Variants in ZNF333 observed in about 807,000 individuals in gnomAD.
ZNF333 encodes zinc finger protein 333.
A neutral mutation model predicts 76.1 loss-of-function variants in ZNF333; 61 were observed. The ratio of observed to expected loss-of-function variants is 0.80; its 90% CI spans 0.65 to 0.99. ZNF333 has a LOEUF of 0.99. ZNF333 is among the 50% of genes least tolerant of loss of function. The pLI is 0.00. For missense variants in ZNF333, 717 were observed against 822.4 expected (o/e 0.87, Z 1.57); for synonymous variants, 284 against 305.0 (o/e 0.93, Z 0.72).
intron 7 of ZNF333, chr19:14,707,017 GC>G: frequency 2.2e-6 from 1 of 447,316 alleles, no homozygotes. Flanking sequence ...CTCTCTTTGG[GC>G]AACATGAAAT....
chr19:14,715,866 T>C (rs948136276), intron 8 of ZNF333, among the ~76,000 whole-genome samples: 8 of 152,222 alleles, frequency 5.3e-5, no homozygotes, highest in African/African-American at 1.9e-4. Flanking sequence ...ATAAGTCCTG[T>C]CCAGAGGTCG....
chr19:14,705,137 T>A lies in ZNF333; in HGVS notation c.390T>A (p.Ala130=). 2.5e-6 allele frequency: 4 copies of A among 1,613,612 alleles called. No homozygotes were observed. The highest frequency in any genetic ancestry group is 3.4e-6 in the Non-Finnish European group (4 of 1,179,902). The part of the protein sequence containing the change: ...ETPLTREDRP[A]LQEPPWSLGC... ...CATTGACTCGAGAGGACCGGCCAGC[T>A]CTCCAGGAGCCGCCTTGGTCTCTGG... The change falls in exon 6 of 12, where the codon GCT becomes GCA. Residue 130 remains alanine, a synonymous_variant. Coordinates refer to ENST00000292530, the MANE Select transcript of ZNF333 (RefSeq NM_032433.4).
chr19:14,723,948 C>T (rs1268423933), downstream of ZNF333, among the ~76,000 whole-genome samples: 3 of 152,180 alleles, frequency 2.0e-5, no homozygotes, highest in South Asian at 4.1e-4. Context: ...AGGATGCTGA[C>T]ATTCAAGGTG....
intron 11 of ZNF333, among the ~76,000 whole-genome samples, chr19:14,728,826 T>A (rs1255448682): frequency 6.6e-6 from 1 of 152,196 alleles, no homozygotes; most frequent in Admixed American, 6.5e-5. Context: ...CCCACGTCAA[T>A]CAAGATCCAA....
At chr19:14,726,885 G>A (rs1464293450), downstream of ZNF333, among the ~76,000 whole-genome samples, 1 of 152,056 alleles carries the variant, frequency 6.6e-6, no homozygotes, top group East Asian at 1.9e-4. Context: ...TTCCTTCTGA[G>A]CCCTCCAAAC....
At chr19:14,708,236 G>T (rs761994291) in intron 7 of ZNF333, 4 of 389,814 alleles carry the variant, frequency 1.0e-5, no homozygotes, top group Non-Finnish European at 1.8e-5. Flanking sequence ...TCGAACTCTT[G>T]ACTTCAGGTG....
chr19:14,706,859 C>A, intron 7 of ZNF333, 86 bp downstream of exon 7: 1 of 1,176,166 alleles, frequency 8.5e-7, no homozygotes, highest in South Asian at 1.4e-5. Flanking sequence ...ATCCTGCCTG[C>A]ATTTCCTCTG....
chr19:14,729,677 GGAA>G, intron 11 of ZNF333, among the ~76,000 whole-genome samples: 1 of 152,198 alleles, frequency 6.6e-6, no homozygotes, highest in Non-Finnish European at 1.5e-5. Flanking sequence ...TTAGACAGGA[GGAA>G]GAAGTTCAGG....
chr19:14,710,222 G>A (rs1270679591), intron 7 of ZNF333, among the ~76,000 whole-genome samples: 2 of 152,226 alleles, frequency 1.3e-5, no homozygotes, highest in African/African-American at 4.8e-5. Context: ...GTTTAGGTGA[G>A]TGGTGCAATG....
At chr19:14,705,829 G>A (rs1205164256) in intron 6 of ZNF333, among the ~76,000 whole-genome samples, 1 of 152,148 alleles carries the variant, frequency 6.6e-6, no homozygotes, top group Non-Finnish European at 1.5e-5. Flanking sequence ...TGATAATTGA[G>A]GTGGAACAGT....
intron 4 of ZNF333, among the ~76,000 whole-genome samples, chr19:14,698,924 A>G (rs1339460393): frequency 7.8e-6 from 1 of 127,772 alleles, no homozygotes; most frequent in African/African-American, 2.7e-5. Context: ...ATATATATAT[A>G]TATATATATA....
intron 4 of ZNF333, among the ~76,000 whole-genome samples, chr19:14,697,357 C>CTTTTTTTTTT (rs139125023): frequency 8.8e-5 from 8 of 90,830 alleles, no homozygotes; most frequent in Non-Finnish European, 1.3e-4. Flanking sequence ...TTTTTCTTTT[C>CTTTTTTTTTT]TTTTTTTTTT....
At position 14,720,092 on chromosome 19, in the gene ZNF333, A is replaced by G; in HGVS notation, c.*767A>G. On this transcript the variant is annotated 3_prime_UTR_variant, in exon 12 of 12. Coordinates refer to ENST00000292530, the MANE Select transcript of ZNF333 (RefSeq NM_032433.4). The stretch of plus-strand genomic sequence containing the variant: ...TCCCAGCTACTTGGGAGGCTGAGGC[A>G]GGAGAATTCTTTGAACCCAGGAGGC... 2.5e-6 allele frequency: 2 copies of G among 793,404 alleles called. No homozygotes were observed. The highest frequency in any genetic ancestry group is 3.1e-6 in the Non-Finnish European group (2 of 654,860). The allele number at this position is 793,404 out of a possible 1,614,324, so 49.1% of individuals were successfully genotyped here.
intron 6 of ZNF333, 56 bp downstream of exon 6, chr19:14,705,226 GGT>G: frequency 6.6e-7 from 1 of 1,513,226 alleles, no homozygotes; most frequent in Non-Finnish European, 9.1e-7. Context: ...GAAGGCCTGG[GGT>G]GTGGGTTGTC....
intron 9 of ZNF333, 51 bp downstream of exon 9, chr19:14,716,289 T>C (rs762835968): frequency 6.3e-7 from 1 of 1,581,484 alleles, no homozygotes; most frequent in Non-Finnish European, 8.6e-7. Flanking sequence ...GACAGAGTCT[T>C]GCTCTGTTGC....
chr19:14,691,187 G>C (rs1972746986), intron 1 of ZNF333, among the ~76,000 whole-genome samples: 1 of 152,084 alleles, frequency 6.6e-6, no homozygotes, highest in Admixed American at 6.6e-5. Context: ...TACTTCTGCT[G>C]TGGGCATCAA....
At chr19:14,698,839 C>CA (rs138097819) in intron 4 of ZNF333, among the ~76,000 whole-genome samples, 4,618 of 133,190 alleles carry the variant, frequency 0.035, 110 homozygotes, top group East Asian at 0.11. Context: ...GACTCTGTCT[C>CA]AAAAAAAACA....
chr19:14,690,111 G>GCGGCGCGGCACGGCA lies in ZNF333; in HGVS notation c.-77_-76insGCGGCACGGCACGGC, dbSNP rs1555767880. ...GCTGTGCTGCGCGGCGCGGCGCGGT[G>GCGGCGCGGCACGGCA]CGGCACGGCACGGTGGGAGTGTCTC... On this transcript the variant is annotated 5_prime_UTR_variant, in exon 1 of 12. Coordinates refer to ENST00000292530, the MANE Select transcript of ZNF333 (RefSeq NM_032433.4). The GCGGCGCGGCACGGCA allele has an allele frequency of 1.6e-4, 24 of 148,770 alleles. No individual in the cohort carries two copies. The highest frequency in any genetic ancestry group is 6.0e-4 in the African/African-American group (24 of 40,160). The allele number at this position is 148,770 out of a possible 1,614,324, so 9.2% of individuals were successfully genotyped here.
chr19:14,705,088 C>G lies in ZNF333; in HGVS notation c.341C>G (p.Pro114Arg). Residue 114 changes from proline (P) to arginine (R), a missense_variant, in exon 6 of 12, where the codon CCC (proline) becomes CGC (arginine). Coordinates refer to ENST00000292530, the MANE Select transcript of ZNF333 (RefSeq NM_032433.4). ...PGLFLRMQLVPSIEERETPLT... is the reference protein window; with the variant it reads ...PGLFLRMQLVRSIEERETPLT... ...CTGTTCCTGAGGATGCAGCTGGTGC[C>G]CTCCATAGAAGAGAGGGAGACACCA... 1 of 1,614,056 alleles carries G rather than the reference C, an allele frequency of 6.2e-7. No homozygotes were observed. The highest frequency in any genetic ancestry group is 1.3e-5 in the African/African-American group (1 of 75,050).
Sources: gnomAD v4.1 joint callset for allele counts (sites outside exome capture counted in the v4.1 genomes callset) on GRCh38, gnomAD v4.1.1 for gene constraint, MANE v1.5 for transcripts, NCBI Gene and HGNC (gene_info 2026-07-23, HGNC 2026-07-21) for gene names.